ITPR2: variants seen among roughly 807,000 people sequenced by gnomAD.
ITPR2 encodes the protein inositol 1,4,5-trisphosphate-gated calcium channel ITPR2.
A neutral mutation model predicts 317.1 loss-of-function variants in ITPR2; 207 were observed. The ratio of observed to expected loss-of-function variants is 0.65; its 90% CI spans 0.58 to 0.73. ITPR2 has a LOEUF of 0.73. ITPR2 is among the 30% of genes least tolerant of loss of function. ITPR2 has a pLI of 0.00. For synonymous variants in ITPR2, 1,156 were observed against 1,149.1 expected (o/e 1.01, Z -0.12); for missense variants, 2,613 against 3,284.0 (o/e 0.80, Z 4.99).
At chr12:26,405,144 AAAAG>A (rs959087851) in intron 52 of ITPR2, among the ~76,000 whole-genome samples, 11 of 152,096 alleles carry the variant, frequency 7.2e-5, no homozygotes, top group East Asian at 5.8e-4. Context: ...CAAAAAAAAA[AAAAG>A]AAGAAGAAGA....
At chr12:26,715,172 G>T in intron 8 of ITPR2, 127 bp downstream of exon 8, 1 of 860,632 alleles carries the variant, frequency 1.2e-6, no homozygotes, top group Non-Finnish European at 1.7e-6. Context: ...GCACAAGTTG[G>T]TTCACAAAAA....
intron 9 of ITPR2, among the ~76,000 whole-genome samples, chr12:26,702,484 G>A (rs1467056727): frequency 6.7e-6 from 1 of 149,762 alleles, no homozygotes; most frequent in Non-Finnish European, 1.5e-5. Flanking sequence ...TGTCGCCCAG[G>A]CTGTAGTGCA....
rs139398703 is a variant in ITPR2, at chr12:26,646,796, T to A, written c.2740+7180A>T. On this transcript the variant is annotated intron_variant, in intron 21 of 56. Coordinates refer to ENST00000381340, the MANE Select transcript of ITPR2 (RefSeq NM_002223.4). ...CAAATAAATGGAATTCTCCATTGAA[T>A]TTTTTTTAAGTGACTCCTCATTTTC... is the stretch of plus-strand genomic sequence containing the variant. 5.4e-3 allele frequency among the ~76,000 whole-genome samples: 819 copies of A among 152,200 alleles called. 7 individuals carry two copies. The highest frequency in any genetic ancestry group is 0.019 in the African/African-American group (783 of 41,512).
chr12:26,369,692 G>C (rs949179180), intron 55 of ITPR2, among the ~76,000 whole-genome samples: 1 of 152,142 alleles, frequency 6.6e-6, no homozygotes, highest in Non-Finnish European at 1.5e-5. Context: ...TTTCCCAAAT[G>C]ACAGAAGTTT....
At chr12:26,425,432 G>T (rs1157959695) in intron 49 of ITPR2, among the ~76,000 whole-genome samples, 1 of 151,688 alleles carries the variant, frequency 6.6e-6, no homozygotes, top group Non-Finnish European at 1.5e-5. Flanking sequence ...ACTTTGGGAG[G>T]CCAAGGCGGG....
chr12:26,529,379 C>T (rs1307962181), intron 37 of ITPR2, among the ~76,000 whole-genome samples: 2 of 152,188 alleles, frequency 1.3e-5, no homozygotes, highest in African/African-American at 4.8e-5. Flanking sequence ...GTTCTCAAAC[C>T]AGGAATCCAG....
intron 6 of ITPR2, 94 bp from the exon 7 acceptor site, chr12:26,715,929 A>G: frequency 1.1e-6 from 1 of 937,800 alleles, no homozygotes; most frequent in African/African-American, 1.6e-5. Flanking sequence ...ATTAAAGACA[A>G]TTTTGGATAA....
chr12:26,532,405 G>A (rs1943967209), intron 37 of ITPR2, among the ~76,000 whole-genome samples: 1 of 152,122 alleles, frequency 6.6e-6, no homozygotes, highest in Non-Finnish European at 1.5e-5. Context: ...TTTTGAGACA[G>A]GGTCTCACTT....
At chr12:26,663,508 C>T (rs568602969) in intron 15 of ITPR2, among the ~76,000 whole-genome samples, 177 bp downstream of exon 15, 1 of 152,312 alleles carries the variant, frequency 6.6e-6, no homozygotes, top group African/African-American at 2.4e-5. Context: ...AGAATAAAGC[C>T]ATGTTCAATA....
chr12:26,598,168 T>C (rs945742796), intron 30 of ITPR2, among the ~76,000 whole-genome samples: 3 of 152,162 alleles, frequency 2.0e-5, no homozygotes, highest in Non-Finnish European at 4.4e-5. Flanking sequence ...GAAGAGCTAA[T>C]GTGTAGGCAA....
chr12:26,560,955 G>A (rs1431142135), intron 35 of ITPR2, among the ~76,000 whole-genome samples: 2 of 152,138 alleles, frequency 1.3e-5, no homozygotes, highest in Admixed American at 6.5e-5. Context: ...TCTATTATGG[G>A]CTGAATTAGA....
intron 47 of ITPR2, among the ~76,000 whole-genome samples, chr12:26,437,501 G>C (rs898914214): frequency 1.3e-5 from 2 of 152,036 alleles, no homozygotes; most frequent in South Asian, 4.2e-4. Context: ...CCTGAATTAG[G>C]AGTCCTCATT....
At chr12:26,732,260 T>A (rs1949040759) in intron 2 of ITPR2, among the ~76,000 whole-genome samples, 1 of 152,240 alleles carries the variant, frequency 6.6e-6, no homozygotes, top group African/African-American at 2.4e-5. Flanking sequence ...GCTTGTAGAC[T>A]GATAAAATGT....
intron 2 of ITPR2, among the ~76,000 whole-genome samples, chr12:26,780,966 T>TTGG (rs1263887956): frequency 1.3e-5 from 2 of 152,344 alleles, no homozygotes; most frequent in East Asian, 3.9e-4. Flanking sequence ...AGTTACAGTG[T>TTGG]TGGCTGGGGT....
chr12:26,361,793 C>T (rs962452207), intron 55 of ITPR2, among the ~76,000 whole-genome samples: 1 of 152,156 alleles, frequency 6.6e-6, no homozygotes, highest in Non-Finnish European at 1.5e-5. Context: ...CAATAACATG[C>T]CTAATGTATA....
At chr12:26,421,806 T>G (rs1218239150) in intron 49 of ITPR2, among the ~76,000 whole-genome samples, 1 of 152,220 alleles carries the variant, frequency 6.6e-6, no homozygotes. Context: ...AACTGTCCTA[T>G]ATATTTTTTT....
At chr12:26,528,006 C>T (rs1022342002) in intron 37 of ITPR2, among the ~76,000 whole-genome samples, 1 of 152,172 alleles carries the variant, frequency 6.6e-6, no homozygotes, top group Non-Finnish European at 1.5e-5. Flanking sequence ...CAGATGTTAG[C>T]AAAGTCCTCC....
At chr12:26,751,723 A>C (rs1034087517) in intron 2 of ITPR2, among the ~76,000 whole-genome samples, 2 of 152,136 alleles carry the variant, frequency 1.3e-5, no homozygotes, top group Middle Eastern at 3.4e-3. Context: ...AAAATTAGCC[A>C]GGCGTGGTGG....
intron 49 of ITPR2, among the ~76,000 whole-genome samples, chr12:26,424,707 A>G (rs999927965): frequency 2.7e-5 from 4 of 147,578 alleles, no homozygotes; most frequent in African/African-American, 1.0e-4. Flanking sequence ...CTCCTGCCTC[A>G]GCCTCCTGAG....
Sources: gnomAD v4.1 joint callset for allele counts (sites outside exome capture counted in the v4.1 genomes callset) on GRCh38, gnomAD v4.1.1 for gene constraint, MANE v1.5 for transcripts, NCBI Gene and HGNC (gene_info 2026-07-23, HGNC 2026-07-21) for gene names.